DNAJB6: variants seen among roughly 807,000 people sequenced by gnomAD.
DNAJB6 encodes DnaJ heat shock protein family (Hsp40) member B6, also known as dnaJ homolog subfamily B member 6.
DNAJB6 carries 16 observed loss-of-function variants against 42.7 expected under a neutral mutation model. The observed-to-expected ratio is 0.37, with a 90% CI of 0.25 to 0.57. DNAJB6 has a LOEUF of 0.57. DNAJB6 is among the 20% of genes least tolerant of loss of function. The probability of loss-of-function intolerance (pLI) is 0.74; values close to 1 mark genes in which losing one functional copy is unlikely to be tolerated. For missense variants in DNAJB6, 347 were observed against 416.8 expected (o/e 0.83, Z 1.46); for synonymous variants, 170 against 163.5 (o/e 1.04, Z -0.30).
intron 8 of DNAJB6, among the ~76,000 whole-genome samples, chr7:157,394,482 T>C (rs867276073): frequency 6.6e-5 from 10 of 151,986 alleles, no homozygotes; most frequent in Admixed American, 3.9e-4. Context: ...TGAGTCGTGA[T>C]GACACCACTG....
intron 8 of DNAJB6, among the ~76,000 whole-genome samples, chr7:157,394,419 C>CT (rs1801489105): frequency 6.6e-6 from 1 of 151,962 alleles, no homozygotes; most frequent in East Asian, 1.9e-4. Flanking sequence ...TATTCCAGCA[C>CT]TTTGAGTGGC....
At chr7:157,409,307 G>A (rs769847889) in intron 8 of DNAJB6, among the ~76,000 whole-genome samples, 1 of 152,208 alleles carries the variant, frequency 6.6e-6, no homozygotes, top group Non-Finnish European at 1.5e-5. Context: ...CTTGGGCGGG[G>A]CTGTGGCTCC....
chr7:157,353,722 C>T (rs1244421481), intron 1 of DNAJB6, among the ~76,000 whole-genome samples: 1 of 151,924 alleles, frequency 6.6e-6, no homozygotes, highest in Non-Finnish European at 1.5e-5. Context: ...TGCCGCGGTG[C>T]AGTCCTGACT....
intron 9 of DNAJB6, 178 bp downstream of exon 9, chr7:157,410,179 C>T (rs907293885): frequency 2.2e-6 from 3 of 1,381,354 alleles, no homozygotes; most frequent in African/African-American, 3.0e-5. Context: ...CGCGGCGCCC[C>T]ACGCCACGGT....
intron 1 of DNAJB6, among the ~76,000 whole-genome samples, chr7:157,352,527 A>G (rs1358619920): frequency 6.6e-6 from 1 of 151,862 alleles, no homozygotes; most frequent in Non-Finnish European, 1.5e-5. Context: ...TCCTTTGACT[A>G]TTCCTGCTGG....
At chr7:157,405,130 G>A (rs889227784) in intron 8 of DNAJB6, among the ~76,000 whole-genome samples, 2 of 152,202 alleles carry the variant, frequency 1.3e-5, no homozygotes, top group African/African-American at 4.8e-5. Flanking sequence ...CTACCTCCAG[G>A]TCCTCCCACA....
rs1054511590 is a variant in DNAJB6 at position 157,385,565 on chromosome 7, A to G, written c.645A>G (p.Arg215=). 1 of 1,613,848 alleles carries G rather than the reference A, an allele frequency of 6.2e-7. No individual in the cohort carries two copies. Among genetic ancestry groups the G allele is most frequent in the Non-Finnish European group, 8.5e-7 (1 of 1,179,844 alleles). ...GAATTGTCGAGAACGGTCAAGAAAG[A>G]GTAGAAGTTGAAGAAGATGGCCAGT... ...TKRIVENGQE[R]VEVEEDGQLK... Residue 215 remains arginine (R), a synonymous_variant, in exon 8 of 10, where the codon AGA becomes AGG. Transcript: ENST00000262177.
At position 157,416,220 on chromosome 7, in the gene DNAJB6, G is replaced by A. The variant is rs549360686; in HGVS notation, c.*122G>A. On this transcript the variant is annotated 3_prime_UTR_variant, in exon 10 of 10. Coordinates refer to ENST00000262177, the MANE Select transcript of DNAJB6 (RefSeq NM_058246.4). ...GACTGTCTCGAGGCCACACTCGCTC[G>A]GCAGGATTATGCGATCACGGATCAG... The A allele has an allele frequency of 1.8e-4, 269 of 1,455,068 alleles. No individual in the cohort carries two copies. The highest frequency in any genetic ancestry group is 2.4e-4 in the Non-Finnish European group (253 of 1,073,244). The allele number at this position is 1,455,068 out of a possible 1,614,324, so 90.1% of individuals were successfully genotyped here.
chr7:157,350,833 C>T (rs1798935168), intron 1 of DNAJB6, among the ~76,000 whole-genome samples: 1 of 150,898 alleles, frequency 6.6e-6, no homozygotes. Flanking sequence ...GCTGGCGTTA[C>T]AGGTGTTAGC....
At chr7:157,410,880 C>T (rs944245936) in intron 9 of DNAJB6, 2 of 152,206 alleles carry the variant, frequency 1.3e-5, no homozygotes, top group Non-Finnish European at 2.9e-5. Flanking sequence ...CTCCTTTTCC[C>T]TTCATGGAAC....
At chr7:157,410,155 GCTC>G (rs1795923915) in intron 9 of DNAJB6, 154 bp downstream of exon 9, 2 of 1,402,388 alleles carry the variant, frequency 1.4e-6, no homozygotes, top group Non-Finnish European at 1.8e-6. Context: ...GCCTCGCTCT[GCTC>G]CTCTCCCGCT....
chr7:157,339,030 C>T (rs539028639), intron 1 of DNAJB6, among the ~76,000 whole-genome samples: 1 of 152,174 alleles, frequency 6.6e-6, no homozygotes, highest in East Asian at 1.9e-4. Flanking sequence ...GGAAGTAATT[C>T]TGGCTGTAGG....
intron 8 of DNAJB6, among the ~76,000 whole-genome samples, chr7:157,399,858 G>A (rs957238649): frequency 3.3e-5 from 5 of 152,014 alleles, no homozygotes; most frequent in South Asian, 2.1e-4. Context: ...TAGTAGAGAC[G>A]GGGTTTCACC....
At chr7:157,402,276 G>T (rs73176489) in intron 8 of DNAJB6, among the ~76,000 whole-genome samples, 15 of 152,316 alleles carry the variant, frequency 9.8e-5, no homozygotes, top group African/African-American at 3.1e-4. Context: ...TTTTAAAGAC[G>T]AGGGGACTGT....
chr7:157,358,695 T>A, intron 2 of DNAJB6, 58 bp downstream of exon 2: 1 of 1,341,780 alleles, frequency 7.5e-7, no homozygotes, highest in Non-Finnish European at 1.1e-6. Context: ...GGTAATTGAG[T>A]AGTATAACTT....
intron 3 of DNAJB6, among the ~76,000 whole-genome samples, chr7:157,363,669 G>C (rs1182594694): frequency 6.6e-6 from 1 of 152,172 alleles, no homozygotes; most frequent in Non-Finnish European, 1.5e-5. Context: ...AGTGGAGTCA[G>C]CTTTACTGCT....
rs953132658 is a variant in DNAJB6, at chr7:157,416,081, A to T, written c.964A>T (p.Thr322Ser). 3.1e-6 allele frequency: 5 copies of T among 1,613,972 alleles called. No homozygotes were observed. Among genetic ancestry groups the T allele is most frequent in the Admixed American group, 1.7e-5 (1 of 59,978 alleles). ...AGAGGAGTCGAAGAAGAAGAAGTCG[A>T]CCAAAGGCAATCACTAGACCGGACT... ...QREESKKKKSTKGNH is the reference protein window; with the variant it reads ...QREESKKKKSSKGNH The change falls in exon 10 of 10, where the codon ACC becomes TCC. Residue 322 changes from threonine to serine, a missense_variant. By Grantham distance (58) the Thr-to-Ser change is moderately conservative (BLOSUM62 1). Around this residue, in one of 3 missense-constraint regions of DNAJB6, gnomAD observed 264 missense variants for 288.0 expected, o/e 0.92. Coordinates refer to ENST00000262177, the MANE Select transcript of DNAJB6 (RefSeq NM_058246.4).
chr7:157,384,740 G>A (rs1037350560), intron 6 of DNAJB6, 127 bp from the exon 7 acceptor site: 16 of 892,856 alleles, frequency 1.8e-5, no homozygotes, highest in Admixed American at 7.8e-5. Context: ...TGATAGTTGC[G>A]TCGTTTATTA....
At chr7:157,355,262 G>A (rs1287530024) in intron 1 of DNAJB6, among the ~76,000 whole-genome samples, 3 of 152,182 alleles carry the variant, frequency 2.0e-5, no homozygotes, top group East Asian at 1.9e-4. Flanking sequence ...CGGGGTTCAC[G>A]CCGTTCTCCT....
Sources: gnomAD v4.1 joint callset for allele counts (sites outside exome capture counted in the v4.1 genomes callset) on GRCh38, gnomAD v4.1.1 for gene constraint, gnomAD v4.1.1 regional missense constraint, MANE v1.5 for transcripts, NCBI Gene and HGNC (gene_info 2026-07-23, HGNC 2026-07-21) for gene names.